CNTN1: variants seen among roughly 807,000 people sequenced by gnomAD.
The protein encoded by CNTN1 is contactin 1.
CNTN1 carries 38 observed loss-of-function variants against 126.4 expected under a neutral mutation model. That is an observed-to-expected ratio of 0.30 (90% CI 0.23 to 0.39). CNTN1 has a LOEUF of 0.39. CNTN1 is among the 10% of genes least tolerant of loss of function. CNTN1 has a pLI of 1.00. For missense variants in CNTN1, 1,009 were observed against 1,248.4 expected (o/e 0.81, Z 2.89); for synonymous variants, 413 against 422.6 (o/e 0.98, Z 0.28).
chr12:40,724,092 T>C (rs563376726), intron 1 of CNTN1, among the ~76,000 whole-genome samples: 1 of 152,238 alleles, frequency 6.6e-6, no homozygotes, highest in Admixed American at 6.5e-5. Context: ...TTATTATATA[T>C]TCATTATCTT....
intron 14 of CNTN1, 152 bp from the exon 15 acceptor site, chr12:40,958,962 G>C: frequency 1.2e-6 from 1 of 839,530 alleles, no homozygotes; most frequent in Non-Finnish European, 1.9e-6. Flanking sequence ...AGAAACTGAA[G>C]CCTAGAGCAA....
At chr12:40,840,179 G>A (rs1360530829) in intron 1 of CNTN1, among the ~76,000 whole-genome samples, 1 of 151,792 alleles carries the variant, frequency 6.6e-6, no homozygotes, top group Non-Finnish European at 1.5e-5. Flanking sequence ...GAAACCAAAA[G>A]CAAGCAGGAA....
chr12:40,734,548 G>A (rs1389044564), intron 1 of CNTN1, among the ~76,000 whole-genome samples: 1 of 152,054 alleles, frequency 6.6e-6, no homozygotes, highest in Non-Finnish European at 1.5e-5. Flanking sequence ...TGTGTGATTT[G>A]GGACAAACTG....
At chr12:40,794,955 T>C (rs1940356092) in intron 1 of CNTN1, among the ~76,000 whole-genome samples, 1 of 152,132 alleles carries the variant, frequency 6.6e-6, no homozygotes. Flanking sequence ...GCTATAGTAC[T>C]TACTTAACCA....
chr12:41,010,631 T>C (rs1948624063), intron 17 of CNTN1, among the ~76,000 whole-genome samples: 1 of 152,194 alleles, frequency 6.6e-6, no homozygotes, highest in Non-Finnish European at 1.5e-5. Flanking sequence ...AATAAACTTG[T>C]CCCTTAGGAT....
At chr12:40,887,700 A>T (rs59144064) in intron 1 of CNTN1, among the ~76,000 whole-genome samples, 16,213 of 151,922 alleles carry the variant, frequency 0.11, 1,081 homozygotes, top group Admixed American at 0.18. Flanking sequence ...TGCTGCTATA[A>T]AGACACATGC....
At chr12:40,712,733 AATT>A in intron 1 of CNTN1, among the ~76,000 whole-genome samples, 1 of 152,172 alleles carries the variant, frequency 6.6e-6, no homozygotes, top group African/African-American at 2.4e-5. Context: ...AATTCCTAGA[AATT>A]TAATAAAACC....
At chr12:40,975,163 C>A (rs1947635746) in intron 15 of CNTN1, among the ~76,000 whole-genome samples, 1 of 125,644 alleles carries the variant, frequency 8.0e-6, no homozygotes, top group Non-Finnish European at 1.7e-5. Context: ...CTTCGGTGTC[C>A]TTTTGTAAAA....
At chr12:41,027,072 T>C (rs1233681330) in intron 21 of CNTN1, among the ~76,000 whole-genome samples, 1 of 152,086 alleles carries the variant, frequency 6.6e-6, no homozygotes, top group Non-Finnish European at 1.5e-5. Flanking sequence ...CAAAGAGTCA[T>C]TGGAGAAAGA....
At chr12:40,911,583 A>T (rs1269060431) in intron 3 of CNTN1, among the ~76,000 whole-genome samples, 3 of 152,180 alleles carry the variant, frequency 2.0e-5, no homozygotes, top group African/African-American at 7.2e-5. Context: ...GCACTCAACA[A>T]AAACTGCCTC....
chr12:40,739,089 G>C (rs1354648772), intron 1 of CNTN1, among the ~76,000 whole-genome samples: 1 of 152,060 alleles, frequency 6.6e-6, no homozygotes, highest in East Asian at 1.9e-4. Flanking sequence ...TCTGGCATCA[G>C]TATGTTATAA....
chr12:40,865,795 T>C (rs1350191247), intron 1 of CNTN1, among the ~76,000 whole-genome samples: 6 of 152,034 alleles, frequency 3.9e-5, no homozygotes, highest in Non-Finnish European at 8.8e-5. Context: ...CTCTTTTGGA[T>C]ATTCTGGGTC....
At chr12:40,778,448 C>A (rs1179778015) in intron 1 of CNTN1, among the ~76,000 whole-genome samples, 1 of 151,718 alleles carries the variant, frequency 6.6e-6, no homozygotes, top group Non-Finnish European at 1.5e-5. Context: ...TTTATCTGGC[C>A]TTTATGCAAA....
At chr12:40,896,350 C>G (rs1190447277) in intron 1 of CNTN1, among the ~76,000 whole-genome samples, 1 of 152,006 alleles carries the variant, frequency 6.6e-6, no homozygotes, top group Non-Finnish European at 1.5e-5. Flanking sequence ...GAGAAATGAT[C>G]ACAGGTATCT....
intron 22 of CNTN1, among the ~76,000 whole-genome samples, 171 bp from the exon 23 acceptor site, chr12:41,028,892 T>G (rs1185906835): frequency 1.3e-5 from 2 of 152,236 alleles, no homozygotes; most frequent in African/African-American, 2.4e-5. Context: ...TATTGTGAAT[T>G]GAAACTAACA....
At chr12:40,809,518 A>AATATAT (rs150881007) in intron 1 of CNTN1, among the ~76,000 whole-genome samples, 14 of 151,976 alleles carry the variant, frequency 9.2e-5, no homozygotes, top group African/African-American at 3.4e-4. Context: ...GAATGGAAAG[A>AATATAT]ATATATATAT....
chr12:40,944,129 G>A lies in CNTN1; in HGVS notation c.1642G>A (p.Asp548Asn), dbSNP rs1805062496. Residue 548 changes from aspartate to asparagine, a missense_variant, in exon 14 of 24, where the codon GAT (aspartate) becomes AAT (asparagine). Asp to Asn is a conservative substitution (Grantham distance 23, BLOSUM62 1). Coordinates refer to ENST00000551295, the MANE Select transcript of CNTN1 (RefSeq NM_001843.4). Reference protein sequence around the residue: ...FVWSFNGYVIDFNKENIHYQR... With the variant: ...FVWSFNGYVINFNKENIHYQR... ...TTGGTCCTTCAATGGCTATGTGATCGATTTTAACAAAGAGAATATTCACTA... is the reference window on the plus strand; with the variant it reads ...TTGGTCCTTCAATGGCTATGTGATCAATTTTAACAAAGAGAATATTCACTA... The A allele has an allele frequency of 1.2e-6, 2 of 1,613,350 alleles. No homozygotes were observed. The highest frequency in any genetic ancestry group is 1.7e-6 in the Non-Finnish European group (2 of 1,179,584).
At chr12:40,975,178 T>TTATATATATATATATA (rs58939653) in intron 15 of CNTN1, among the ~76,000 whole-genome samples, 6 of 48,664 alleles carry the variant, frequency 1.2e-4, no homozygotes, top group South Asian at 6.4e-4. Context: ...GTAAAATGGA[T>TTATATATATATATATA]TATATATATA....
intron 1 of CNTN1, among the ~76,000 whole-genome samples, chr12:40,867,299 G>A (rs762909940): frequency 1.6e-4 from 25 of 152,042 alleles, no homozygotes; most frequent in Non-Finnish European, 3.5e-4. Context: ...TAAATGGTGG[G>A]GCAGGGGAAA....
Sources: gnomAD v4.1 joint callset for allele counts (sites outside exome capture counted in the v4.1 genomes callset) on GRCh38, gnomAD v4.1.1 for gene constraint, MANE v1.5 for transcripts, NCBI Gene and HGNC (gene_info 2026-07-23, HGNC 2026-07-21) for gene names.